The following PPP2R5E variants were observed in gnomAD, a reference collection of about 807,000 sequenced individuals.
PPP2R5E encodes serine/threonine-protein phosphatase 2A 56 kDa regulatory subunit epsilon isoform.
In PPP2R5E, 4 loss-of-function variants were observed where a neutral mutation model predicts 65.3. The ratio of observed to expected loss-of-function variants is 0.06; its 90% CI spans 0.03 to 0.14. The LOEUF is 0.14. Among genes scored for constraint, PPP2R5E ranks in the 10% least tolerant of loss-of-function variants. The pLI is 1.00. For synonymous variants in PPP2R5E, 183 were observed against 187.4 expected, an observed-to-expected ratio of 0.98 and a Z score of 0.19; for missense variants, 274 against 556.1, an observed-to-expected ratio of 0.49 and a Z score of 5.10.
chr14:63,531,989 A>T (rs997962889), intron 2 of PPP2R5E, among the ~76,000 whole-genome samples: 7 of 152,162 alleles, frequency 4.6e-5, no homozygotes, highest in Admixed American at 2.6e-4. Context: ...TAGATGCCTG[A>T]AGAACACACA....
At chr14:63,396,823 A>C in intron 5 of PPP2R5E, 107 bp from the exon 6 acceptor site, 1 of 1,381,734 alleles carries the variant, frequency 7.2e-7, no homozygotes, top group Non-Finnish European at 9.9e-7. Context: ...AATGTGTTGA[A>C]TATCTATTAT....
At chr14:63,467,439 A>G (rs931652603) in intron 2 of PPP2R5E, among the ~76,000 whole-genome samples, 13 of 152,066 alleles carry the variant, frequency 8.5e-5, no homozygotes, top group African/African-American at 3.1e-4. Context: ...GAGTTTAGCT[A>G]AACATGCCAT....
chr14:63,496,443 CAAAAAAAA>C (rs753525299), intron 2 of PPP2R5E, among the ~76,000 whole-genome samples: 2 of 118,656 alleles, frequency 1.7e-5, no homozygotes, highest in African/African-American at 5.8e-5. Context: ...GACTCTGTCT[CAAAAAAAA>C]AAAAAAAAGA....
chr14:63,491,177 G>A (rs563103725), intron 2 of PPP2R5E, among the ~76,000 whole-genome samples: 1 of 152,160 alleles, frequency 6.6e-6, no homozygotes, highest in Admixed American at 6.5e-5. Context: ...GCTAAACATT[G>A]GGTACACATG....
At chr14:63,378,755 ATGT>A (rs1160811067) in intron 13 of PPP2R5E, among the ~76,000 whole-genome samples, 2 of 152,238 alleles carry the variant, frequency 1.3e-5, no homozygotes, top group Non-Finnish European at 2.9e-5. Context: ...CATAGCACTA[ATGT>A]TGGCATATGT....
intron 2 of PPP2R5E, among the ~76,000 whole-genome samples, chr14:63,522,923 T>C (rs1160420499): frequency 2.5e-4 from 28 of 113,644 alleles, no homozygotes; most frequent in African/African-American, 8.6e-4. Context: ...GGGTCAGCCC[T>C]CTACCCGGCC....
At chr14:63,424,466 G>C (rs889661810) in intron 3 of PPP2R5E, among the ~76,000 whole-genome samples, 3 of 151,970 alleles carry the variant, frequency 2.0e-5, no homozygotes, top group African/African-American at 7.2e-5. Context: ...GAAGAGAAAG[G>C]GTCGGCCGGG....
intron 4 of PPP2R5E, among the ~76,000 whole-genome samples, chr14:63,417,955 T>C (rs1017114323): frequency 1.3e-5 from 2 of 152,218 alleles, no homozygotes; most frequent in South Asian, 2.1e-4. Flanking sequence ...CAGATACCAC[T>C]GATTTAAATG....
chr14:63,485,810 A>T (rs1278021754), intron 2 of PPP2R5E, among the ~76,000 whole-genome samples: 1 of 150,604 alleles, frequency 6.6e-6, no homozygotes, highest in Non-Finnish European at 1.5e-5. Flanking sequence ...TTGTCATTGT[A>T]CATATACTGA....
At chr14:63,399,551 T>A (rs190970858) in intron 5 of PPP2R5E, among the ~76,000 whole-genome samples, 1 of 152,092 alleles carries the variant, frequency 6.6e-6, no homozygotes, top group African/African-American at 2.4e-5. Context: ...CCTGCAATGA[T>A]ACTGTGGTGA....
intron 2 of PPP2R5E, among the ~76,000 whole-genome samples, chr14:63,519,613 C>CA: frequency 6.6e-6 from 1 of 150,608 alleles, no homozygotes; most frequent in Middle Eastern, 3.4e-3. Flanking sequence ...CTCGGCCTCT[C>CA]AAAGTGCTGG....
chr14:63,406,844 C>T (rs1457617124), intron 5 of PPP2R5E, among the ~76,000 whole-genome samples: 1 of 152,128 alleles, frequency 6.6e-6, no homozygotes, highest in African/African-American at 2.4e-5. Flanking sequence ...GAACCATATA[C>T]GTAGAGTTGA....
chr14:63,384,141 A>C (rs75177241), intron 12 of PPP2R5E, among the ~76,000 whole-genome samples: 1,948 of 152,064 alleles, frequency 0.013, 62 homozygotes, highest in East Asian at 0.12. Context: ...TTTCAGATTC[A>C]GTCTAAGCAT....
At chr14:63,404,785 C>T (rs1227678447) in intron 5 of PPP2R5E, among the ~76,000 whole-genome samples, 1 of 152,110 alleles carries the variant, frequency 6.6e-6, no homozygotes, top group Non-Finnish European at 1.5e-5. Flanking sequence ...CCATTTTTTT[C>T]CCCTTGAGCA....
intron 3 of PPP2R5E, among the ~76,000 whole-genome samples, chr14:63,438,526 C>T (rs893521439): frequency 3.3e-5 from 5 of 152,156 alleles, no homozygotes; most frequent in Admixed American, 2.0e-4. Context: ...AGTACTGTAA[C>T]TTATCCTGCA....
In PPP2R5E at chr14:63,533,487, G is replaced by A. The variant is rs185045790; in HGVS notation, c.157+6042C>T. Among the ~76,000 whole-genome samples, 907 of 152,160 alleles carry A rather than the reference G, an allele frequency of 6.0e-3. 3 individuals are homozygous for A. Among genetic ancestry groups the A allele is most frequent in the Non-Finnish European group, 9.9e-3 (674 of 67,932 alleles). On this transcript the variant is annotated intron_variant, in intron 2 of 13. Coordinates refer to ENST00000337537, the MANE Select transcript of PPP2R5E (RefSeq NM_006246.5). ...GAGGCAGGAAAATGGCTTGAACCCG[G>A]AAGGCAGAGGCTGTGGTGAGCCGAG...
intron 3 of PPP2R5E, among the ~76,000 whole-genome samples, chr14:63,442,524 G>C (rs971063852): frequency 6.6e-6 from 1 of 152,090 alleles, no homozygotes; most frequent in Non-Finnish European, 1.5e-5. Flanking sequence ...ACTTCCCATG[G>C]TTTCAGTCAC....
chr14:63,407,315 A>G (rs1433991387), intron 5 of PPP2R5E, among the ~76,000 whole-genome samples: 1 of 152,210 alleles, frequency 6.6e-6, no homozygotes, highest in Non-Finnish European at 1.5e-5. Context: ...AAGGCACTTG[A>G]GGCAACACAG....
chr14:63,457,925 T>C (rs115528486), intron 2 of PPP2R5E, among the ~76,000 whole-genome samples: 49 of 152,324 alleles, frequency 3.2e-4, no homozygotes, highest in African/African-American at 1.2e-3. Context: ...AGCTAAACTG[T>C]ACTTCTCACT....
Sources: allele counts gnomAD v4.1 joint callset (sites outside exome capture counted in the v4.1 genomes callset), GRCh38; gene constraint gnomAD v4.1.1; transcripts MANE v1.5; gene names NCBI Gene and HGNC (gene_info 2026-07-23, HGNC 2026-07-21).